The following ROCK1 variants were observed in gnomAD, a reference collection of about 807,000 sequenced individuals.
The protein encoded by ROCK1 is rho-associated protein kinase 1.
ROCK1 carries 36 observed loss-of-function variants against 196.8 expected under a neutral mutation model. That is an observed-to-expected ratio of 0.18 (90% CI 0.14 to 0.24). The LOEUF is 0.24. Among genes scored for constraint, ROCK1 ranks in the 10% least tolerant of loss-of-function variants. The pLI is 1.00. For missense variants in ROCK1, 920 were observed against 1,562.0 expected, an observed-to-expected ratio of 0.59 and a Z score of 6.93; for synonymous variants, 443 against 515.9, an observed-to-expected ratio of 0.86 and a Z score of 1.91.
At chr18:21,044,526 C>T (rs1289222266) in intron 5 of ROCK1, among the ~76,000 whole-genome samples, 9 of 152,150 alleles carry the variant, frequency 5.9e-5, no homozygotes, top group Admixed American at 2.0e-4. Flanking sequence ...AAAAACCCCA[C>T]GGCAGGGTCT....
chr18:21,002,736 A>AC (rs2035735777), intron 16 of ROCK1, among the ~76,000 whole-genome samples: 2 of 151,976 alleles, frequency 1.3e-5, no homozygotes, highest in Admixed American at 1.3e-4. Flanking sequence ...ATGTTTTTTC[A>AC]TTCGTTTGTT....
intron 2 of ROCK1, among the ~76,000 whole-genome samples, chr18:21,056,514 C>T (rs754349330): frequency 4.7e-4 from 71 of 152,234 alleles, no homozygotes; most frequent in Middle Eastern, 3.4e-3. Flanking sequence ...GCTTCTCACC[C>T]TCTACATTGC....
intron 27 of ROCK1, chr18:20,960,518 T>C: frequency 4.5e-6 from 1 of 222,236 alleles, no homozygotes; most frequent in Non-Finnish European, 8.7e-6. Flanking sequence ...GGATATGATG[T>C]AGAAGACTTT....
chr18:21,094,824 A>G (rs370791901), intron 1 of ROCK1, among the ~76,000 whole-genome samples: 1 of 151,510 alleles, frequency 6.6e-6, no homozygotes, highest in East Asian at 2.0e-4. Flanking sequence ...AGGTGGGCAG[A>G]TCACCTGAGG....
rs368195966 is a variant in ROCK1, at chr18:21,111,051, T to C, written c.-141A>G. The C allele has an allele frequency of 1.5e-6, 1 of 662,324 alleles. No individual in the cohort carries two copies. Among genetic ancestry groups the C allele is most frequent in the Non-Finnish European group, 2.6e-6 (1 of 377,756 alleles). The allele number at this position is 662,324 out of a possible 1,614,324, so 41.0% of individuals were successfully genotyped here. On this transcript the variant is annotated 5_prime_UTR_variant, in exon 1 of 33. Transcript: ENST00000399799. This position sits in a 1 kb window ranked among gnomAD's most constrained non-coding sequence, Gnocchi z 4.2. ...TCACCAGGTGCGCCCGGTTCCCCCG[T>C]CTTCCCCTCACTGAGGGGACCTCCG...
chr18:21,044,495 A>G (rs1290099784), intron 5 of ROCK1, among the ~76,000 whole-genome samples: 1 of 152,198 alleles, frequency 6.6e-6, no homozygotes, highest in African/African-American at 2.4e-5. Context: ...ATTGAAACAT[A>G]TTAGATAGGT....
At chr18:21,045,057 C>A (rs1195718096) in intron 5 of ROCK1, 18 of 195,070 alleles carry the variant, frequency 9.2e-5, no homozygotes, top group Non-Finnish European at 1.3e-4. Context: ...AGATGGGTTT[C>A]ACCATGTTGT....
chr18:21,081,000 T>C (rs569698768), intron 1 of ROCK1, among the ~76,000 whole-genome samples: 1 of 152,222 alleles, frequency 6.6e-6, no homozygotes, highest in Admixed American at 6.5e-5. Context: ...AACGACACTA[T>C]AAACCAACTG....
intron 1 of ROCK1, among the ~76,000 whole-genome samples, chr18:21,071,555 G>C (rs865990875): frequency 3.3e-5 from 5 of 152,140 alleles, no homozygotes; most frequent in South Asian, 2.1e-4. Flanking sequence ...AAGCAGTGTT[G>C]AAGTGGGAAA....
intron 5 of ROCK1, chr18:21,045,079 T>C: frequency 3.0e-6 from 1 of 337,140 alleles, no homozygotes; most frequent in Non-Finnish European, 5.3e-6. Context: ...CAGGCTGGTG[T>C]CAAACTCCTG....
intron 4 of ROCK1, among the ~76,000 whole-genome samples, chr18:21,045,781 G>A (rs1161163557): frequency 1.3e-5 from 2 of 151,290 alleles, no homozygotes; most frequent in African/African-American, 4.9e-5. Context: ...AAATCTCCTA[G>A]GCAAAGAAAT....
At chr18:21,072,156 T>C (rs2036391009) in intron 1 of ROCK1, among the ~76,000 whole-genome samples, 2 of 152,220 alleles carry the variant, frequency 1.3e-5, no homozygotes, top group African/African-American at 4.8e-5. Context: ...CATGGGCATC[T>C]GAGTTTTGCG....
chr18:20,959,171 A>AAAT lies in ROCK1; in HGVS notation c.3512+668_3512+669insATT, dbSNP rs2035299766. On this transcript the variant is annotated intron_variant, in intron 29 of 32. Transcript: ENST00000399799. ...AAATATATATATTATATATTATATA[A>AAAT]TATATATAATATTATATATAATATA... Among the ~76,000 whole-genome samples the AAAT allele has an allele frequency of 3.2e-5, 2 of 61,982 alleles. 1 individual carries two copies. The highest frequency in any genetic ancestry group is 1.4e-4 in the African/African-American group (2 of 14,086). 40.7% of individuals were successfully genotyped at this position (61,982 alleles called of 152,430 possible).
intron 10 of ROCK1, among the ~76,000 whole-genome samples, chr18:21,024,748 C>T (rs2035942235): frequency 6.6e-6 from 1 of 152,160 alleles, no homozygotes; most frequent in Non-Finnish European, 1.5e-5. Context: ...AGAAATATGC[C>T]ACTTCCTAGG....
intron 2 of ROCK1, among the ~76,000 whole-genome samples, chr18:21,054,300 C>A (rs554040440): frequency 2.5e-4 from 38 of 152,160 alleles, no homozygotes; most frequent in Non-Finnish European, 1.9e-4. Flanking sequence ...ATTGTATATT[C>A]TTTAATTATA....
At chr18:21,005,016 T>C (rs1200624789) in intron 16 of ROCK1, among the ~76,000 whole-genome samples, 1 of 152,148 alleles carries the variant, frequency 6.6e-6, no homozygotes, top group East Asian at 1.9e-4. Context: ...TGAAACTATG[T>C]TCCCATCTCT....
intron 2 of ROCK1, among the ~76,000 whole-genome samples, chr18:21,068,345 T>C (rs2036355187): frequency 6.6e-6 from 1 of 152,210 alleles, no homozygotes; most frequent in African/African-American, 2.4e-5. Context: ...GATGCTCTTT[T>C]CTGTTCCACT....
rs1157370825 is a variant in ROCK1, at chr18:21,102,463, G to A, written c.93+8355C>T. Among the ~76,000 whole-genome samples the A allele has an allele frequency of 3.3e-5, 5 of 152,104 alleles. No individual in the cohort carries two copies. The South Asian group carries it at 1.0e-3, about 31-fold the overall frequency. ...GACATGTTTGTTTTTACTCACCATG[G>A]TGTTCCATTGCATAGCAGAATTCCT... is the stretch of plus-strand genomic sequence containing the variant. On this transcript the variant is annotated intron_variant, in intron 1 of 32. Transcript: ENST00000399799.
intron 2 of ROCK1, among the ~76,000 whole-genome samples, chr18:21,061,232 C>T (rs2036287493): frequency 6.6e-6 from 1 of 152,026 alleles, no homozygotes; most frequent in African/African-American, 2.4e-5. Flanking sequence ...GCACCTGCCA[C>T]CATACCCGGC....
Sources: allele counts gnomAD v4.1 joint callset (sites outside exome capture counted in the v4.1 genomes callset), GRCh38; gene constraint gnomAD v4.1.1; non-coding constraint Gnocchi (gnomAD v3.1); transcripts MANE v1.5; gene names NCBI Gene and HGNC (gene_info 2026-07-23, HGNC 2026-07-21).